Variants in DNAJC5B observed in about 807,000 individuals in gnomAD.
DNAJC5B encodes the protein DnaJ heat shock protein family (Hsp40) member C5 beta.
Under a neutral mutation model 24.7 loss-of-function variants are expected in DNAJC5B, and 23 were observed. The ratio of observed to expected loss-of-function variants is 0.93; its 90% confidence interval spans 0.67 to 1.32. The LOEUF is 1.32. DNAJC5B is among the 40% of genes most tolerant of loss of function. DNAJC5B has a pLI of 0.00. For missense variants in DNAJC5B, 238 were observed against 240.8 expected, an observed-to-expected ratio of 0.99 and a Z score of 0.08; for synonymous variants, 101 against 90.1, an observed-to-expected ratio of 1.12 and a Z score of -0.68.
intron 5 of DNAJC5B, among the ~76,000 whole-genome samples, chr8:66,081,309 C>T (rs952418563): frequency 2.0e-5 from 3 of 152,156 alleles, no homozygotes; most frequent in African/African-American, 7.2e-5. Context: ...TCAGACCTGC[C>T]ATTGTCCTGC....
intron 1 of DNAJC5B, among the ~76,000 whole-genome samples, chr8:66,040,123 G>A (rs1416319589): frequency 3.9e-5 from 6 of 152,182 alleles, no homozygotes; most frequent in Non-Finnish European, 8.8e-5. Context: ...CACACACAGT[G>A]GCTCACACCT....
intron 4 of DNAJC5B, among the ~76,000 whole-genome samples, chr8:66,079,330 G>A (rs1418147573): frequency 6.6e-6 from 1 of 152,186 alleles, no homozygotes; most frequent in Admixed American, 6.5e-5. Flanking sequence ...CAGCTTGCAG[G>A]AAGCTCACAG....
chr8:66,070,011 C>A (rs553707469), intron 3 of DNAJC5B, among the ~76,000 whole-genome samples: 3 of 152,116 alleles, frequency 2.0e-5, no homozygotes, highest in African/African-American at 4.8e-5. Flanking sequence ...ATTCAACAGC[C>A]CTTCATGCTA....
chr8:66,084,608 T>A lies in DNAJC5B; in HGVS notation c.505+4060T>A, dbSNP rs539733091. 3.3e-5 allele frequency among the ~76,000 whole-genome samples: 5 copies of A among 152,234 alleles called. No homozygotes were observed. The South Asian group carries it at 8.3e-4, about 25-fold the overall frequency. ...GTGGGGAGGTTTAGGACTTTGTTTATAAGTAAGAGATGCCCATAAAAATTC... is the reference window on the plus strand; with the variant it reads ...GTGGGGAGGTTTAGGACTTTGTTTAAAAGTAAGAGATGCCCATAAAAATTC... On this transcript the variant is annotated intron_variant, in intron 5 of 5. Coordinates refer to ENST00000276570, the MANE Select transcript of DNAJC5B (RefSeq NM_033105.6).
At chr8:66,053,647 G>A (rs1311585591) in intron 3 of DNAJC5B, among the ~76,000 whole-genome samples, 1 of 99,740 alleles carries the variant, frequency 1.0e-5, no homozygotes, top group East Asian at 2.8e-4. Context: ...TTTTTTTTTT[G>A]AGATAGAGTT....
intron 2 of DNAJC5B, among the ~76,000 whole-genome samples, chr8:66,047,535 T>C (rs1806747325): frequency 6.6e-6 from 1 of 152,216 alleles, no homozygotes; most frequent in African/African-American, 2.4e-5. Flanking sequence ...ATCTTACTCC[T>C]AAGCTTTTGG....
rs1263673300 is a variant in DNAJC5B at position 66,066,972 on chromosome 8, A to T, written c.120-9688A>T. On this transcript the variant is annotated intron_variant, in intron 3 of 5. Transcript: ENST00000276570. ...TTCAGCCTGCAGTGAAGAAATTTTT[A>T]AAAAGCTAGGGGCCAATACACAAAG... is the stretch of plus-strand genomic sequence containing the variant. Among the ~76,000 whole-genome samples the T allele has an allele frequency of 2.0e-5, 3 of 151,100 alleles. No individual in the cohort carries two copies. The South Asian group carries it at 6.2e-4, about 31-fold the overall frequency.
At chr8:66,037,390 G>A (rs890514131) in intron 1 of DNAJC5B, among the ~76,000 whole-genome samples, 7 of 152,312 alleles carry the variant, frequency 4.6e-5, no homozygotes, top group African/African-American at 1.4e-4. Flanking sequence ...TCTGTGAAGG[G>A]GTAGCTGGGC....
At chr8:66,071,018 G>A (rs977749551) in intron 3 of DNAJC5B, among the ~76,000 whole-genome samples, 1 of 152,094 alleles carries the variant, frequency 6.6e-6, no homozygotes, top group Admixed American at 6.5e-5. Flanking sequence ...ACTGAAACTG[G>A]ACCCCTTCCT....
intron 5 of DNAJC5B, among the ~76,000 whole-genome samples, chr8:66,091,555 C>T (rs1563612783): frequency 2.0e-5 from 3 of 152,084 alleles, no homozygotes; most frequent in Admixed American, 1.3e-4. Context: ...TCATATTGGG[C>T]TGTTCTATTG....
chr8:66,027,694 C>G (rs965240998), intron 1 of DNAJC5B, among the ~76,000 whole-genome samples: 2 of 152,230 alleles, frequency 1.3e-5, no homozygotes, highest in African/African-American at 2.4e-5. Flanking sequence ...ATTATTATTA[C>G]GAGAGGGAAA....
At chr8:66,027,402 C>G (rs984104392) in intron 1 of DNAJC5B, among the ~76,000 whole-genome samples, 3 of 152,216 alleles carry the variant, frequency 2.0e-5, no homozygotes, top group African/African-American at 7.2e-5. Flanking sequence ...GTCATGAATA[C>G]TGTCCTTTTA....
intron 1 of DNAJC5B, among the ~76,000 whole-genome samples, chr8:66,042,619 T>TCTCCTTCTC (rs1457020887): frequency 0.028 from 4,189 of 147,698 alleles, 221 homozygotes; most frequent in African/African-American, 0.1. Context: ...TTCTTCTTCT[T>TCTCCTTCTC]CTTCTCCTTC....
intron 3 of DNAJC5B, among the ~76,000 whole-genome samples, chr8:66,066,731 G>A (rs1807204451): frequency 6.6e-6 from 1 of 152,008 alleles, no homozygotes; most frequent in South Asian, 2.1e-4. Context: ...AAGGGGGAGG[G>A]TAGAAGGGGG....
chr8:66,092,098 A>T (rs1184881414), intron 5 of DNAJC5B, among the ~76,000 whole-genome samples: 1 of 152,200 alleles, frequency 6.6e-6, no homozygotes, highest in Non-Finnish European at 1.5e-5. Context: ...ACAAAGTGTG[A>T]GTCATACATT....
rs1351959165 is a variant in DNAJC5B at position 66,055,516 on chromosome 8, AT to A, written c.119+3853del. Among the ~76,000 whole-genome samples the A allele has an allele frequency of 3.9e-5, 6 of 152,328 alleles. No individual in the cohort carries two copies. The South Asian group carries it at 1.2e-3, about 32-fold the overall frequency. On this transcript the variant is annotated intron_variant, in intron 3 of 5. Transcript: ENST00000276570. ...TTTATTTTTAAAAAGATAATCTTTCATTTGATTAAAAGGAAAACAGGTATAT... is the reference window on the plus strand; with the variant it reads ...TTTATTTTTAAAAAGATAATCTTTCATTGATTAAAAGGAAAACAGGTATAT...
intron 5 of DNAJC5B, among the ~76,000 whole-genome samples, chr8:66,084,790 C>T (rs1248321802): frequency 6.6e-6 from 1 of 152,142 alleles, no homozygotes; most frequent in African/African-American, 2.4e-5. Flanking sequence ...ATGCCCTTTT[C>T]CTGCATCTTT....
chr8:66,056,146 C>A (rs767275867), intron 3 of DNAJC5B, among the ~76,000 whole-genome samples: 9 of 152,056 alleles, frequency 5.9e-5, no homozygotes, highest in Admixed American at 3.3e-4. Flanking sequence ...ATTTTATAAT[C>A]CCCTCCACCC....
At chr8:66,084,703 C>A (rs746896338) in intron 5 of DNAJC5B, among the ~76,000 whole-genome samples, 5 of 152,090 alleles carry the variant, frequency 3.3e-5, no homozygotes, top group Non-Finnish European at 7.3e-5. Context: ...TCAAGGATAC[C>A]AAAACACAAT....
Sources: gnomAD v4.1 joint callset for allele counts (sites outside exome capture counted in the v4.1 genomes callset) on GRCh38, gnomAD v4.1.1 for gene constraint, MANE v1.5 for transcripts, NCBI Gene and HGNC (gene_info 2026-07-23, HGNC 2026-07-21) for gene names.